Variants in PID1 observed in about 807,000 individuals in gnomAD.
PID1 encodes the protein PTB-containing, cubilin and LRP1-interacting protein.
In PID1, 10 loss-of-function variants were observed where a neutral mutation model predicts 19.1. That is an observed-to-expected ratio of 0.52 (90% CI 0.32 to 0.89). The LOEUF (loss-of-function observed/expected upper bound fraction) is 0.89, where lower values mean the gene tolerates loss of function less well. Ranked by LOEUF, PID1 falls within the 40% of genes least tolerant of loss-of-function variation. The pLI, the probability that PID1 is intolerant of heterozygous loss-of-function variation, is 0.03. For synonymous variants in PID1, 130 were observed against 116.0 expected (o/e 1.12, Z -0.78); for missense variants, 248 against 285.3 (o/e 0.87, Z 0.94).
chr2:229,183,162 C>T (rs995065966), intron 1 of PID1, among the ~76,000 whole-genome samples: 1 of 152,126 alleles, frequency 6.6e-6, no homozygotes, highest in African/African-American at 2.4e-5. Flanking sequence ...AACACAGAGA[C>T]GCATGGGAGT....
intron 1 of PID1, among the ~76,000 whole-genome samples, chr2:229,260,182 G>A (rs1289168659): frequency 6.6e-6 from 1 of 151,994 alleles, no homozygotes; most frequent in Non-Finnish European, 1.5e-5. Context: ...CTCTGACTCA[G>A]CCATATCAAT....
intron 2 of PID1, among the ~76,000 whole-genome samples, chr2:229,152,558 T>C (rs1690279407): frequency 6.6e-6 from 1 of 152,022 alleles, no homozygotes; most frequent in Non-Finnish European, 1.5e-5. Flanking sequence ...AAGCCATCAT[T>C]GCTGCAGCAA....
rs199962307 is a variant in PID1, at chr2:229,205,555, TAC to T, written c.31-49593_31-49592del. 4.6e-3 allele frequency among the ~76,000 whole-genome samples: 699 copies of T among 151,684 alleles called. 6 individuals carry two copies. The highest frequency in any genetic ancestry group is 0.016 in the African/African-American group (677 of 41,418). On this transcript the variant is annotated intron_variant, in intron 1 of 2. Transcript: ENST00000392055. Reference sequence around the variant, plus strand: ...AAATTATTATTTTCTCACCACCTTTTACACACACACACACAAAACCCAAATTA... The same window carrying T: ...AAATTATTATTTTCTCACCACCTTTTACACACACACACAAAACCCAAATTA...
intron 1 of PID1, among the ~76,000 whole-genome samples, chr2:229,177,696 G>A (rs1188931836): frequency 6.6e-6 from 1 of 152,110 alleles, no homozygotes; most frequent in East Asian, 1.9e-4. Context: ...CAGACTAGGG[G>A]AACAACTATC....
chr2:229,105,156 A>T (rs1695151392), intron 2 of PID1, among the ~76,000 whole-genome samples: 1 of 152,258 alleles, frequency 6.6e-6, no homozygotes, highest in Admixed American at 6.5e-5. Flanking sequence ...ACGTTGTAAC[A>T]TGTTATCACA....
chr2:229,092,961 C>G (rs1694903620), intron 2 of PID1, among the ~76,000 whole-genome samples: 1 of 152,118 alleles, frequency 6.6e-6, no homozygotes, highest in Non-Finnish European at 1.5e-5. Flanking sequence ...CAGCAATTGA[C>G]TCCACTGAAT....
intron 1 of PID1, among the ~76,000 whole-genome samples, chr2:229,221,021 G>A (rs527390960): frequency 3.9e-5 from 6 of 152,222 alleles, no homozygotes; most frequent in African/African-American, 9.6e-5. Context: ...TGAATTGGCC[G>A]ATCAGTGTAG....
At chr2:229,177,698 A>T (rs919791054) in intron 1 of PID1, among the ~76,000 whole-genome samples, 1 of 152,180 alleles carries the variant, frequency 6.6e-6, no homozygotes, top group Non-Finnish European at 1.5e-5. Flanking sequence ...GACTAGGGGA[A>T]CAACTATCCA....
intron 2 of PID1, among the ~76,000 whole-genome samples, chr2:229,040,864 AAAGTAGCT>A (rs1693757100): frequency 6.6e-6 from 1 of 152,216 alleles, no homozygotes. Flanking sequence ...AATAAGTTAA[AAAGTAGCT>A]ATATAGTAAA....
At chr2:229,177,729 C>A (rs1047159759) in intron 1 of PID1, among the ~76,000 whole-genome samples, 1 of 151,420 alleles carries the variant, frequency 6.6e-6, no homozygotes, top group Admixed American at 6.6e-5. Context: ...TGGCATCTTT[C>A]ATCATCATCA....
chr2:229,061,981 GT>G (rs1369754459), intron 2 of PID1, among the ~76,000 whole-genome samples: 1 of 151,764 alleles, frequency 6.6e-6, no homozygotes, highest in East Asian at 1.9e-4. Flanking sequence ...AGTTGTAACA[GT>G]TTTTTTTGGT....
chr2:229,037,007 G>C (rs1427453664), intron 2 of PID1, among the ~76,000 whole-genome samples: 5 of 152,134 alleles, frequency 3.3e-5, no homozygotes, highest in African/African-American at 7.2e-5. Flanking sequence ...ACCCAGAAAG[G>C]CATACAGACT....
At chr2:229,084,709 C>T (rs972685378) in intron 2 of PID1, among the ~76,000 whole-genome samples, 2 of 152,166 alleles carry the variant, frequency 1.3e-5, no homozygotes. Context: ...GACTCACAGC[C>T]AAGATGGCAA....
chr2:229,046,844 T>C (rs1361463730), intron 2 of PID1, among the ~76,000 whole-genome samples: 1 of 152,190 alleles, frequency 6.6e-6, no homozygotes, highest in Non-Finnish European at 1.5e-5. Flanking sequence ...TTAAACTCAA[T>C]GTTCTGCAAT....
At chr2:229,060,642 G>A (rs1694193422) in intron 2 of PID1, among the ~76,000 whole-genome samples, 2 of 152,066 alleles carry the variant, frequency 1.3e-5, no homozygotes. Flanking sequence ...CAAGAAGTGG[G>A]ATTTCTGTAT....
rs185951590 is a variant in PID1, at chr2:229,206,371, A to C, written c.31-50407T>G. Reference sequence around the variant, plus strand: ...ATATTCTGCCCAAGAGTTATCAGGAAAGGGATATGAATGACAGAGAAACAA... The same window carrying C: ...ATATTCTGCCCAAGAGTTATCAGGACAGGGATATGAATGACAGAGAAACAA... On this transcript the variant is annotated intron_variant, in intron 1 of 2. Transcript: ENST00000392055. 2.4e-3 allele frequency among the ~76,000 whole-genome samples: 371 copies of C among 152,264 alleles called. 3 individuals carry two copies. The highest frequency in any genetic ancestry group is 8.3e-3 in the African/African-American group (343 of 41,554).
intron 2 of PID1, among the ~76,000 whole-genome samples, chr2:229,073,359 C>G (rs1207196331): frequency 1.3e-5 from 2 of 152,186 alleles, no homozygotes; most frequent in African/African-American, 4.8e-5. Context: ...GTTTGACCAA[C>G]TAGCAACAGG....
chr2:229,139,206 T>C (rs1689961775), intron 2 of PID1, among the ~76,000 whole-genome samples: 1 of 152,122 alleles, frequency 6.6e-6, no homozygotes, highest in Non-Finnish European at 1.5e-5. Flanking sequence ...AATACATGTA[T>C]TTTTAGTTTT....
At chr2:229,061,142 C>T (rs1470531762) in intron 2 of PID1, among the ~76,000 whole-genome samples, 4 of 151,946 alleles carry the variant, frequency 2.6e-5, no homozygotes, top group Non-Finnish European at 5.9e-5. Flanking sequence ...GCTTTTATTA[C>T]CTGTGCTTTT....
Sources: allele counts gnomAD v4.1 joint callset (sites outside exome capture counted in the v4.1 genomes callset), GRCh38; gene constraint gnomAD v4.1.1; transcripts MANE v1.5; gene names NCBI Gene and HGNC (gene_info 2026-07-23, HGNC 2026-07-21).